The following RAB12 variants were observed in gnomAD, a reference collection of about 807,000 sequenced individuals.
RAB12 encodes the protein ras-related protein Rab-12.
A neutral mutation model predicts 28.4 loss-of-function variants in RAB12; 11 were observed. That is an observed-to-expected ratio of 0.39 (90% CI 0.24 to 0.64). The LOEUF is 0.64. Ranked by LOEUF, RAB12 falls within the 30% of genes least tolerant of loss-of-function variation. The pLI, the probability that RAB12 is intolerant of heterozygous loss-of-function variation, is 0.50. For synonymous variants in RAB12, 138 were observed against 145.3 expected (o/e 0.95, Z 0.36); for missense variants, 276 against 351.1 (o/e 0.79, Z 1.71).
rs756263747 is a variant in RAB12 at position 8,636,234 on chromosome 18, G to A, written c.805-19G>A. 3 of 1,542,146 alleles carry A rather than the reference G, an allele frequency of 1.9e-6. No individual in the cohort carries two copies. Among genetic ancestry groups the A allele is most frequent in the Admixed American group, 3.3e-5 (2 of 59,912 alleles). On this transcript the variant is annotated intron_variant, in intron 4 of 5. Coordinates refer to ENST00000649141, the MANE Select transcript of RAB12 (RefSeq NM_001025300.3). ...TGTGAGGCCCCACACAGAGGAAATA[G>A]GTGTGTGTTTCTTCTCAGTTTGCAC...
At chr18:8,614,923 G>A (rs776769253) in intron 1 of RAB12, among the ~76,000 whole-genome samples, 22 of 152,130 alleles carry the variant, frequency 1.4e-4, no homozygotes, top group East Asian at 3.9e-4. Context: ...CTCATTGTGC[G>A]GCAGTGCTCT....
At chr18:8,612,406 G>T (rs1209024849) in intron 1 of RAB12, among the ~76,000 whole-genome samples, 2 of 152,156 alleles carry the variant, frequency 1.3e-5, no homozygotes, top group African/African-American at 4.8e-5. Flanking sequence ...TAGCTCCCGG[G>T]GTTCTTCCCA....
chr18:8,637,997 T>G (rs1598315337), intron 5 of RAB12, 152 bp from the exon 6 acceptor site: 1 of 580,790 alleles, frequency 1.7e-6, no homozygotes, highest in East Asian at 3.0e-5. Context: ...GAGGAGAAGG[T>G]GAGTGGGGAG....
At position 8,610,289 on chromosome 18, in the gene RAB12, G is replaced by A. The variant is rs1044200725; in HGVS notation, c.514+336G>A. 1.3e-4 allele frequency among the ~76,000 whole-genome samples: 20 copies of A among 152,224 alleles called. 1 individual carries two copies. Among genetic ancestry groups the A allele is most frequent in the Admixed American group, 1.2e-3 (19 of 15,284 alleles). ...GCTGGGTTCGAGTGGAGCGCAGGCA[G>A]GCAGGGGAGTGAACGCCTAAGGCCG... On this transcript the variant is annotated intron_variant, in intron 1 of 5. Coordinates refer to ENST00000649141, the MANE Select transcript of RAB12 (RefSeq NM_001025300.3).
intron 5 of RAB12, among the ~76,000 whole-genome samples, 184 bp downstream of exon 5, chr18:8,636,541 A>G (rs2096019048): frequency 6.6e-6 from 1 of 152,200 alleles, no homozygotes; most frequent in South Asian, 2.1e-4. Context: ...TTTCCCACCC[A>G]GGGGCTTCTG....
Position 8,638,208 on chromosome 18 carries a change from G to A in RAB12, c.969G>A (p.Glu323=), listed in dbSNP as rs1304456617. 2.5e-6 allele frequency: 4 copies of A among 1,613,882 alleles called. No individual in the cohort carries two copies. The highest frequency in any genetic ancestry group is 3.3e-5 in the Admixed American group (2 of 60,000). ...LSNSILSLQP[E]PEIPPELPPP... Reference sequence around the variant, plus strand: ...ATAGTATCCTGTCGTTACAACCAGAGCCTGAGATACCGCCAGAACTGCCTC... The same window carrying A: ...ATAGTATCCTGTCGTTACAACCAGAACCTGAGATACCGCCAGAACTGCCTC... The change falls in exon 6 of 6, where the codon GAG becomes GAA. Residue 323 remains glutamate, a synonymous_variant. Coordinates refer to ENST00000649141, the MANE Select transcript of RAB12 (RefSeq NM_001025300.3).
intron 4 of RAB12, chr18:8,635,853 C>G (rs1443422954): frequency 2.1e-6 from 1 of 470,618 alleles, no homozygotes; most frequent in South Asian, 3.6e-5. Context: ...ATTATCTAAC[C>G]TGACATTTTA....
chr18:8,625,508 C>G (rs1343532022), intron 2 of RAB12, among the ~76,000 whole-genome samples: 1 of 152,138 alleles, frequency 6.6e-6, no homozygotes, highest in East Asian at 1.9e-4. Flanking sequence ...GGGATGTGAG[C>G]CCCCACTAAT....
chr18:8,622,754 C>T (rs1052506219), intron 1 of RAB12, among the ~76,000 whole-genome samples: 3 of 152,158 alleles, frequency 2.0e-5, no homozygotes, highest in Admixed American at 6.5e-5. Context: ...GGGAGCACTA[C>T]GGGAGACTGG....
At chr18:8,612,870 G>T (rs2096004619) in intron 1 of RAB12, among the ~76,000 whole-genome samples, 3 of 152,108 alleles carry the variant, frequency 2.0e-5, no homozygotes, top group African/African-American at 4.8e-5. Flanking sequence ...TTGCTATGTT[G>T]TCCAGGCTGG....
chr18:8,637,488 T>C (rs1027175730), intron 5 of RAB12, among the ~76,000 whole-genome samples: 2 of 152,238 alleles, frequency 1.3e-5, no homozygotes, highest in Admixed American at 1.3e-4. Context: ...TGTTGTGATA[T>C]GAAGTGTCTT....
At chr18:8,611,007 A>G (rs2096003479) in intron 1 of RAB12, among the ~76,000 whole-genome samples, 1 of 152,262 alleles carries the variant, frequency 6.6e-6, no homozygotes, top group Non-Finnish European at 1.5e-5. Flanking sequence ...ACAGTACTAC[A>G]TTTAAAGTGT....
intron 1 of RAB12, among the ~76,000 whole-genome samples, chr18:8,615,448 C>T (rs556460909): frequency 2.2e-4 from 33 of 152,272 alleles, no homozygotes; most frequent in African/African-American, 7.2e-4. Context: ...CCGATCTGCC[C>T]GTGTTTCACT....
intron 5 of RAB12, among the ~76,000 whole-genome samples, chr18:8,637,652 C>A (rs1276787987): frequency 6.6e-6 from 1 of 151,890 alleles, no homozygotes; most frequent in Admixed American, 6.6e-5. Flanking sequence ...AGGTGCTGAC[C>A]CCCTAAACAG....
At chr18:8,630,803 C>G (rs1014204159) in intron 2 of RAB12, among the ~76,000 whole-genome samples, 9 of 152,238 alleles carry the variant, frequency 5.9e-5, no homozygotes, top group African/African-American at 1.9e-4. Flanking sequence ...GCAAACCTAT[C>G]TGGTATCTCT....
chr18:8,609,683 G>A lies in RAB12; in HGVS notation c.244G>A (p.Ala82Thr), dbSNP rs1185627212. ...APGPGARSRGAGGGGRRAERE... is the reference protein window; with the variant it reads ...APGPGARSRGTGGGGRRAERE... ...GGGGCCCGGGGCGCGCAGCCGGGGGGCGGGCGGCGGCGGGCGGCGGGCCGA... is the reference window on the plus strand; with the variant it reads ...GGGGCCCGGGGCGCGCAGCCGGGGGACGGGCGGCGGCGGGCGGCGGGCCGA... The change falls in exon 1 of 6, where the codon GCG becomes ACG. Residue 82 changes from alanine to threonine, a missense_variant. Ala to Thr is a moderately conservative substitution (Grantham distance 58, BLOSUM62 0). Coordinates refer to ENST00000649141, the MANE Select transcript of RAB12 (RefSeq NM_001025300.3). The A allele has an allele frequency of 6.5e-6, 6 of 924,938 alleles. No homozygotes were observed. The African/African-American group carries it at 7.2e-5, about 11-fold the overall frequency. 57.3% of individuals were successfully genotyped at this position (924,938 alleles called of 1,614,324 possible).
intron 1 of RAB12, among the ~76,000 whole-genome samples, chr18:8,623,799 T>C (rs535021345): frequency 1.2e-4 from 19 of 152,402 alleles, no homozygotes; most frequent in African/African-American, 4.3e-4. Flanking sequence ...TTTGTTTTCT[T>C]GTGACATTTT....
rs868016032 is a variant in RAB12, at chr18:8,622,982, C to T, written c.515-1956C>T. Among the ~76,000 whole-genome samples, 8 of 152,314 alleles carry T rather than the reference C, an allele frequency of 5.3e-5. No individual in the cohort carries two copies. In the South Asian group the frequency reaches 8.3e-4, roughly 16 times the overall value. On this transcript the variant is annotated intron_variant, in intron 1 of 5. Transcript: ENST00000649141. ...CAGCTGTCAGAGTTTAAGGTGATCTCTCTTGTTCCCTGAACATTGCTGTTA... is the reference window on the plus strand; with the variant it reads ...CAGCTGTCAGAGTTTAAGGTGATCTTTCTTGTTCCCTGAACATTGCTGTTA...
In RAB12 at chr18:8,638,857, T is replaced by C. The variant is rs1283298461; in HGVS notation, c.*595T>C. 1.3e-5 allele frequency: 2 copies of C among 152,510 alleles called. No individual in the cohort carries two copies. The highest frequency in any genetic ancestry group is 1.5e-5 in the Non-Finnish European group (1 of 68,192). 9.4% of individuals were successfully genotyped at this position (152,510 alleles called of 1,614,324 possible). A position where few individuals can be genotyped will look rare whatever the true frequency, so the allele number is the denominator to read the frequency against. On this transcript the variant is annotated 3_prime_UTR_variant, in exon 6 of 6. Transcript: ENST00000649141. ...TACTAGTTAGAGGGTTGGATTTGAC[T>C]TGGTCCTAAGGCCACAGAATCTCTC...
Sources: allele counts gnomAD v4.1 joint callset (sites outside exome capture counted in the v4.1 genomes callset), GRCh38; gene constraint gnomAD v4.1.1; transcripts MANE v1.5; gene names NCBI Gene and HGNC (gene_info 2026-07-23, HGNC 2026-07-21).